The following HDAC4 variants were observed in gnomAD, a reference collection of about 807,000 sequenced individuals.
HDAC4 encodes the protein histone deacetylase A.
A neutral mutation model predicts 135.1 loss-of-function variants in HDAC4; 16 were observed. That is an observed-to-expected ratio of 0.12 (90% confidence interval 0.08 to 0.18). The LOEUF is 0.18. Ranked by LOEUF, HDAC4 falls within the 10% of genes least tolerant of loss-of-function variation. The pLI is 1.00. For missense variants in HDAC4, 1,143 were observed against 1,511.8 expected (o/e 0.76, Z 4.05); for synonymous variants, 685 against 653.4 (o/e 1.05, Z -0.74).
intron 3 of HDAC4, among the ~76,000 whole-genome samples, chr2:239,228,223 C>T (rs972852146): frequency 2.0e-5 from 3 of 152,136 alleles, no homozygotes; most frequent in South Asian, 2.1e-4. Flanking sequence ...CAAGCAGCCC[C>T]GGGACACCAG....
intron 9 of HDAC4, among the ~76,000 whole-genome samples, chr2:239,136,807 A>G (rs1341931011): frequency 6.6e-6 from 1 of 152,154 alleles, no homozygotes; most frequent in Non-Finnish European, 1.5e-5. Context: ...AAACACTTAC[A>G]CTCAGGCTGT....
At chr2:239,278,338 T>A (rs937961948) in intron 2 of HDAC4, among the ~76,000 whole-genome samples, 2 of 151,586 alleles carry the variant, frequency 1.3e-5, no homozygotes, top group Non-Finnish European at 2.9e-5. Flanking sequence ...AAAAAAAAAA[T>A]TGACAATCTA....
chr2:239,101,652 G>A (rs914540846), intron 16 of HDAC4, among the ~76,000 whole-genome samples: 1 of 152,180 alleles, frequency 6.6e-6, no homozygotes, highest in Non-Finnish European at 1.5e-5. Flanking sequence ...AAACCAGTGG[G>A]CAGTGACTGT....
chr2:239,220,601 T>C (rs538265135), intron 3 of HDAC4, among the ~76,000 whole-genome samples: 26 of 152,284 alleles, frequency 1.7e-4, no homozygotes, highest in African/African-American at 6.0e-4. Context: ...CCTTTCATCA[T>C]GAAAATCTTC....
At chr2:239,142,757 C>T (rs532302728) in intron 8 of HDAC4, among the ~76,000 whole-genome samples, 1 of 150,988 alleles carries the variant, frequency 6.6e-6, no homozygotes, top group South Asian at 2.1e-4. Context: ...CACATGGCTC[C>T]TGGGTGAGCT....
intron 11 of HDAC4, among the ~76,000 whole-genome samples, chr2:239,131,524 C>T (rs2040584021): frequency 6.6e-6 from 1 of 152,092 alleles, no homozygotes; most frequent in Admixed American, 6.5e-5. Flanking sequence ...GGGATGGAAG[C>T]CTGGGATGAG....
intron 9 of HDAC4, among the ~76,000 whole-genome samples, chr2:239,137,259 C>G (rs1357263851): frequency 6.6e-6 from 1 of 152,224 alleles, no homozygotes; most frequent in African/African-American, 2.4e-5. Context: ...GCTGGCGCCC[C>G]CGGACCGCAT....
At chr2:239,090,138 G>A (rs772606830) in intron 17 of HDAC4, 22 bp from the exon 18 acceptor site, 1 of 1,555,222 alleles carries the variant, frequency 6.4e-7, no homozygotes, top group East Asian at 2.2e-5. Flanking sequence ...ACACCCCACA[G>A]TGAGGTCACC....
At chr2:239,091,494 C>A (rs576927780) in intron 17 of HDAC4, 1 of 152,300 alleles carries the variant, frequency 6.6e-6, no homozygotes, top group South Asian at 2.1e-4. Context: ...CAAACTGAGC[C>A]CCTCTGAGCG....
intron 2 of HDAC4, among the ~76,000 whole-genome samples, chr2:239,317,030 G>T (rs1354168126): frequency 6.6e-6 from 1 of 152,186 alleles, no homozygotes; most frequent in South Asian, 2.1e-4. Context: ...AGGGTGGGGT[G>T]TGCGTAAGAG....
rs986473410 is a variant in HDAC4 at position 239,050,458 on chromosome 2, G to C, written c.*2639C>G. The C allele has an allele frequency of 6.6e-6, 1 of 152,450 alleles. No individual in the cohort carries two copies. Among genetic ancestry groups the C allele is most frequent in the African/African-American group, 2.4e-5 (1 of 41,464 alleles). The allele number at this position is 152,450 out of a possible 1,614,324, so 9.4% of individuals were successfully genotyped here. A position where few individuals can be genotyped will look rare whatever the true frequency, so the allele number is the denominator to read the frequency against. On this transcript the variant is annotated 3_prime_UTR_variant, in exon 27 of 27. Transcript: ENST00000543185. The stretch of plus-strand genomic sequence containing the variant: ...GCCACTGCTCTGTGCCATGAATGGG[G>C]AATGGACCAGCTCCTCTTGCCAATC...
In HDAC4 at chr2:239,374,386, CTTTTTTTTTTTTTTTTTTTT is replaced by C. The variant is rs755538495; in HGVS notation, c.-219-21488_-219-21469del. 2.3e-4 allele frequency among the ~76,000 whole-genome samples: 13 copies of C among 56,706 alleles called. No homozygotes were observed. In the South Asian group the frequency reaches 4.5e-3, roughly 19 times the overall value. 37.2% of individuals were successfully genotyped at this position (56,706 alleles called of 152,430 possible). ...CACCCCAGATGAATAGAAAACAAGGCTTTTTTTTTTTTTTTTTTTTTTTTTTTTTTTTTTTGAGACGGAGT... is the reference window on the plus strand; with the variant it reads ...CACCCCAGATGAATAGAAAACAAGGCTTTTTTTTTTTTTTTGAGACGGAGT... On this transcript the variant is annotated intron_variant, in intron 1 of 26. Coordinates refer to ENST00000543185, the MANE Select transcript of HDAC4 (RefSeq NM_001378414.1).
chr2:239,197,243 G>A (rs2045453435), intron 3 of HDAC4, among the ~76,000 whole-genome samples: 4 of 152,108 alleles, frequency 2.6e-5, no homozygotes, highest in South Asian at 2.1e-4. Flanking sequence ...ACCATCCTTC[G>A]CCTTCGGGAT....
At chr2:239,108,956 G>A (rs73097640) in intron 14 of HDAC4, among the ~76,000 whole-genome samples, 2,047 of 152,344 alleles carry the variant, frequency 0.013, 47 homozygotes, top group African/African-American at 0.046. Flanking sequence ...GCCTGAACCC[G>A]TGTTGGATGC....
chr2:239,082,032 G>A lies in HDAC4; in HGVS notation c.2652+70C>T, dbSNP rs2035385539. 3 of 1,546,564 alleles carry A rather than the reference G, an allele frequency of 1.9e-6. No homozygotes were observed. The Admixed American group carries it at 5.0e-5, about 26-fold the overall frequency. On this transcript the variant is annotated intron_variant, in intron 21 of 26. Coordinates refer to ENST00000543185, the MANE Select transcript of HDAC4 (RefSeq NM_001378414.1). ...GCTGCCGGGCAGCTGTGGACCGTCT[G>A]CCCCGTGCCCCCACAGCGGCTCCCC...
chr2:239,321,762 G>C (rs1373767466), intron 2 of HDAC4, among the ~76,000 whole-genome samples: 2 of 152,216 alleles, frequency 1.3e-5, no homozygotes, highest in East Asian at 3.9e-4. Context: ...CCCTGCCATA[G>C]AGCACAGAAC....
At chr2:239,138,259 G>C (rs1202212295) in intron 9 of HDAC4, among the ~76,000 whole-genome samples, 4 of 152,218 alleles carry the variant, frequency 2.6e-5, no homozygotes, top group Admixed American at 2.0e-4. Flanking sequence ...GAAAGAGTAA[G>C]AGAAATTGGG....
At chr2:239,203,060 A>G (rs1022188472) in intron 3 of HDAC4, among the ~76,000 whole-genome samples, 9 of 152,204 alleles carry the variant, frequency 5.9e-5, no homozygotes, top group African/African-American at 2.2e-4. Context: ...TCAGCCCTAC[A>G]GGCACACAGC....
chr2:239,312,424 C>A (rs905924235), intron 2 of HDAC4, among the ~76,000 whole-genome samples: 2 of 152,210 alleles, frequency 1.3e-5, no homozygotes, highest in Non-Finnish European at 2.9e-5. Flanking sequence ...GGAGCCCACA[C>A]GCAGGGCACG....
Sources: gnomAD v4.1 joint callset for allele counts (sites outside exome capture counted in the v4.1 genomes callset) on GRCh38, gnomAD v4.1.1 for gene constraint, MANE v1.5 for transcripts, NCBI Gene and HGNC (gene_info 2026-07-23, HGNC 2026-07-21) for gene names.